CRTC3: variants seen among roughly 807,000 people sequenced by gnomAD.
CRTC3 encodes the protein CREB-regulated transcription coactivator 3.
Under a neutral mutation model 74.5 loss-of-function variants are expected in CRTC3, and 26 were observed. That is an observed-to-expected ratio of 0.35 (90% CI 0.26 to 0.48). The LOEUF is 0.48. CRTC3 is among the 20% of genes least tolerant of loss of function. The probability of loss-of-function intolerance (pLI) is 0.99; values close to 1 mark genes in which losing one functional copy is unlikely to be tolerated. For synonymous variants in CRTC3, 377 were observed against 325.8 expected, an observed-to-expected ratio of 1.16 and a Z score of -1.69; for missense variants, 760 against 787.3, an observed-to-expected ratio of 0.97 and a Z score of 0.41.
At chr15:90,581,916 G>C (rs1473224189) in intron 2 of CRTC3, among the ~76,000 whole-genome samples, 1 of 152,172 alleles carries the variant, frequency 6.6e-6, no homozygotes, top group East Asian at 1.9e-4. Context: ...GGCAGGAAGA[G>C]GTTGGTGTGG....
chr15:90,551,276 C>T (rs1229112253), intron 2 of CRTC3, among the ~76,000 whole-genome samples: 1 of 152,072 alleles, frequency 6.6e-6, no homozygotes, highest in African/African-American at 2.4e-5. Context: ...TAATACAAAT[C>T]GTGCTTAGGA....
intron 2 of CRTC3, among the ~76,000 whole-genome samples, chr15:90,550,671 T>C (rs1266324352): frequency 2.0e-5 from 3 of 152,090 alleles, no homozygotes; most frequent in Non-Finnish European, 4.4e-5. Context: ...CATATTTGCA[T>C]GTCAGATCTC....
In CRTC3 at chr15:90,642,113, A is replaced by G. The variant is rs773512060; in HGVS notation, c.1833A>G (p.Glu611=). The change falls in exon 15 of 15, where the codon GAA becomes GAG. Residue 611 remains glutamate (E), a synonymous_variant. Coordinates refer to ENST00000268184, the MANE Select transcript of CRTC3 (RefSeq NM_022769.5). Reference sequence around the variant, plus strand: ...TGGGCCTGCTGGACCCCTCTGTTGAAGAGACGTTTCGAGCTGACAGACTGT... The same window carrying G: ...TGGGCCTGCTGGACCCCTCTGTTGAGGAGACGTTTCGAGCTGACAGACTGT... ...SSMGLLDPSV[E]ETFRADRL is the part of the protein sequence containing the mutation. The G allele has an allele frequency of 6.2e-7, 1 of 1,614,078 alleles. No homozygotes were observed. Among genetic ancestry groups the G allele is most frequent in the South Asian group, 1.1e-5 (1 of 91,090 alleles).
chr15:90,596,215 A>G (rs564311770), intron 3 of CRTC3: 72 of 152,398 alleles, frequency 4.7e-4, no homozygotes, highest in African/African-American at 1.7e-3. Context: ...GGGAGATGAC[A>G]GCAAACAGGC....
intron 2 of CRTC3, among the ~76,000 whole-genome samples, chr15:90,570,406 T>C (rs917477460): frequency 6.6e-6 from 1 of 152,172 alleles, no homozygotes; most frequent in Non-Finnish European, 1.5e-5. Flanking sequence ...TTTCTCTTTA[T>C]AGACCCTCAT....
chr15:90,634,938 C>G, intron 11 of CRTC3: 2 of 1,573,624 alleles, frequency 1.3e-6, no homozygotes, highest in East Asian at 2.2e-5. Context: ...AGATAAAGTT[C>G]TTCTCCCAGA....
At chr15:90,568,211 C>T (rs1280925792) in intron 2 of CRTC3, among the ~76,000 whole-genome samples, 1 of 152,154 alleles carries the variant, frequency 6.6e-6, no homozygotes, top group Non-Finnish European at 1.5e-5. Context: ...TGAGGAATTG[C>T]TTCTTGTGGA....
At chr15:90,531,120 GC>G (rs1966619979) in intron 1 of CRTC3, among the ~76,000 whole-genome samples, 1 of 152,136 alleles carries the variant, frequency 6.6e-6, no homozygotes, top group Admixed American at 6.5e-5. Flanking sequence ...GAGCAGAGTT[GC>G]AAACCAGCTG....
chr15:90,629,921 G>A (rs926332928), intron 11 of CRTC3, among the ~76,000 whole-genome samples: 1 of 152,006 alleles, frequency 6.6e-6, no homozygotes, highest in African/African-American at 2.4e-5. Flanking sequence ...ACAAGTTCTC[G>A]ATATGTTGCC....
intron 2 of CRTC3, among the ~76,000 whole-genome samples, chr15:90,565,850 T>G (rs1290885338): frequency 6.6e-6 from 1 of 152,114 alleles, no homozygotes; most frequent in African/African-American, 2.4e-5. Context: ...TCTCTCCCCC[T>G]CCTTGGGCCT....
intron 4 of CRTC3, 24 bp from the exon 5 acceptor site, chr15:90,604,361 T>C: frequency 1.2e-6 from 2 of 1,605,732 alleles, no homozygotes; most frequent in Non-Finnish European, 1.7e-6. Flanking sequence ...TTCTTTTCCT[T>C]TTATGTTGTT....
In CRTC3 at chr15:90,559,274, C is replaced by G. The variant is rs527967581; in HGVS notation, c.231+19137C>G. On this transcript the variant is annotated intron_variant, in intron 2 of 14. Transcript: ENST00000268184. ...TTATCTCATTGAATTCTTACAGTAA[C>G]CTTATGTGATGGTACTTTTATGACT... Among the ~76,000 whole-genome samples the G allele has an allele frequency of 3.3e-5, 5 of 152,142 alleles. No individual in the cohort carries two copies. In the South Asian group the frequency reaches 8.3e-4, roughly 25 times the overall value.
intron 11 of CRTC3, among the ~76,000 whole-genome samples, chr15:90,629,922 A>T (rs1968977795): frequency 1.3e-5 from 2 of 152,080 alleles, no homozygotes; most frequent in Admixed American, 6.6e-5. Flanking sequence ...CAAGTTCTCG[A>T]TATGTTGCCC....
rs770623815 is a variant in CRTC3 at position 90,643,510 on chromosome 15, T to C, written c.*1370T>C. 1.7e-5 allele frequency: 4 copies of C among 228,990 alleles called. No individual in the cohort carries two copies. Among genetic ancestry groups the C allele is most frequent in the Admixed American group, 5.7e-5 (1 of 17,648 alleles). 14.2% of individuals were successfully genotyped at this position (228,990 alleles called of 1,614,324 possible). A position where few individuals can be genotyped will look rare whatever the true frequency, so the allele number is the denominator to read the frequency against. ...TGGGCCCCACCCAGGAAGATCTTCC[T>C]TCTCAGATCCACGTTTGGCTCTAAA... On this transcript the variant is annotated 3_prime_UTR_variant, in exon 15 of 15. Transcript: ENST00000268184.
chr15:90,581,074 G>C (rs758715783), intron 2 of CRTC3, among the ~76,000 whole-genome samples: 2 of 152,188 alleles, frequency 1.3e-5, no homozygotes, highest in Non-Finnish European at 1.5e-5. Flanking sequence ...TGAGAAAGGA[G>C]TGGCCTGCCT....
intron 6 of CRTC3, among the ~76,000 whole-genome samples, chr15:90,609,603 A>C (rs915517680): frequency 6.6e-6 from 1 of 152,236 alleles, no homozygotes; most frequent in Non-Finnish European, 1.5e-5. Flanking sequence ...AGGCAATCAC[A>C]GGTAATTCAA....
At chr15:90,604,602 G>A (rs1000576151) in intron 5 of CRTC3, 155 bp downstream of exon 5, 3 of 631,496 alleles carry the variant, frequency 4.8e-6, no homozygotes, top group South Asian at 3.7e-5. Flanking sequence ...GTGTCTACAG[G>A]GGAAAGTATA....
chr15:90,547,863 TA>T (rs1966847111), intron 2 of CRTC3, among the ~76,000 whole-genome samples: 1 of 151,044 alleles, frequency 6.6e-6, no homozygotes, highest in African/African-American at 2.4e-5. Context: ...TAGGGCTTTG[TA>T]GGTATAGTTG....
chr15:90,571,665 G>GCATGAAA (rs1442093957), intron 2 of CRTC3, among the ~76,000 whole-genome samples: 3 of 152,130 alleles, frequency 2.0e-5, no homozygotes, highest in African/African-American at 7.2e-5. Flanking sequence ...TAATATGGAA[G>GCATGAAA]CATGAAACAT....
Sources: allele counts gnomAD v4.1 joint callset (sites outside exome capture counted in the v4.1 genomes callset), GRCh38; gene constraint gnomAD v4.1.1; transcripts MANE v1.5; gene names NCBI Gene and HGNC (gene_info 2026-07-23, HGNC 2026-07-21).